The following TAB3 variants were observed in gnomAD, a reference collection of about 807,000 sequenced individuals.
TAB3 encodes TGF-beta-activated kinase 1 and MAP3K7-binding protein 3.
TAB3 carries 18 observed loss-of-function variants against 48.1 expected under a neutral mutation model. The observed-to-expected ratio is 0.37, with a 90% CI of 0.26 to 0.55. TAB3 has a LOEUF of 0.55. Ranked by LOEUF, TAB3 falls within the 20% of genes least tolerant of loss-of-function variation. The probability of loss-of-function intolerance (pLI) is 0.78; values close to 1 mark genes in which losing one functional copy is unlikely to be tolerated. For missense variants in TAB3, 414 were observed against 549.8 expected (o/e 0.75, Z 2.47); for synonymous variants, 185 against 190.2 (o/e 0.97, Z 0.22).
At chrX:30,832,788 T>C (rs1938063123) in intron 10 of TAB3, among the ~76,000 whole-genome samples, 1 of 111,272 alleles carries the variant, frequency 9.0e-6, no homozygotes, top group Non-Finnish European at 1.9e-5. Flanking sequence ...TGACTATAAA[T>C]AGGAGATGGG....
intron 8 of TAB3, 115 bp from the exon 9 acceptor site, chrX:30,843,164 G>C (rs2067071276): frequency 2.2e-6 from 1 of 446,557 alleles, no homozygotes; most frequent in Non-Finnish European, 3.7e-6. Flanking sequence ...TGTTTTCCAG[G>C]ATTTCAAAAT....
chrX:30,838,843 T>C (rs1379280385), intron 9 of TAB3, among the ~76,000 whole-genome samples: 1 of 112,432 alleles, frequency 8.9e-6, no homozygotes, highest in Non-Finnish European at 1.9e-5. Context: ...AACATGTTTA[T>C]ATATTGACTT....
At chrX:30,887,642 G>A (rs2147424766) in intron 1 of TAB3, among the ~76,000 whole-genome samples, 1 of 112,274 alleles carries the variant, frequency 8.9e-6, no homozygotes, top group African/African-American at 3.2e-5. Context: ...CTGTGCAATC[G>A]GCATAACATT....
At chrX:30,848,951 G>T (rs1035582884) in intron 7 of TAB3, among the ~76,000 whole-genome samples, 1 of 109,219 alleles carries the variant, frequency 9.2e-6, no homozygotes, top group African/African-American at 3.3e-5. Flanking sequence ...CTTGAGGGAG[G>T]GGGTAATTGG....
intron 9 of TAB3, 132 bp downstream of exon 9, chrX:30,842,825 CAAAAAAATA>C (rs1276337815): frequency 2.4e-6 from 1 of 408,233 alleles, no homozygotes. Context: ...GACCCTGTCT[CAAAAAAATA>C]AAAATAATAA....
At chrX:30,840,877 TAGAC>T (rs754050471) in intron 9 of TAB3, among the ~76,000 whole-genome samples, 4 of 112,011 alleles carry the variant, frequency 3.6e-5, no homozygotes, top group African/African-American at 9.7e-5. Flanking sequence ...TGCACTCCCT[TAGAC>T]AGGGCAATTG....
chrX:30,865,120 A>G lies in TAB3; in HGVS notation c.-91+1995T>C, dbSNP rs750177452. On this transcript the variant is annotated intron_variant, in intron 4 of 10. Coordinates refer to ENST00000288422, the MANE Select transcript of TAB3 (RefSeq NM_152787.5). ...GTACTCTAGTGTGTCTCAACGGCAT[A>G]CTATTGATGCAATAATTTTGGAGCA... 1.0e-3 allele frequency among the ~76,000 whole-genome samples: 115 copies of G among 111,964 alleles called. 2 individuals carry two copies. Among genetic ancestry groups the G allele is most frequent in the Non-Finnish European group, 1.5e-3 (79 of 53,217 alleles).
rs1017725040 is a variant in TAB3, at chrX:30,867,453, A to G, written c.-195+12T>C. 1.8e-5 allele frequency: 2 copies of G among 110,605 alleles called. No individual in the cohort carries two copies. The highest frequency in any genetic ancestry group is 3.8e-5 in the Non-Finnish European group (2 of 52,710). 9.1% of individuals were successfully genotyped at this position (110,605 alleles called of 1,213,427 possible). A position where few individuals can be genotyped will look rare whatever the true frequency, so the allele number is the denominator to read the frequency against. ...AAAAAATAGAGTTATTTAAAATTAG[A>G]AAAAAAAATACCTCAAGATGGTTTA... On this transcript the variant is annotated intron_variant, in intron 3 of 10. Coordinates refer to ENST00000288422, the MANE Select transcript of TAB3 (RefSeq NM_152787.5).
At chrX:30,881,478 G>T (rs1170864335) in intron 1 of TAB3, among the ~76,000 whole-genome samples, 1 of 110,987 alleles carries the variant, frequency 9.0e-6, no homozygotes, top group Non-Finnish European at 1.9e-5. Flanking sequence ...ATTTTAAAAA[G>T]CAATATACTA....
intron 4 of TAB3, among the ~76,000 whole-genome samples, chrX:30,865,960 C>T (rs1939390411): frequency 9.0e-6 from 1 of 111,726 alleles, no homozygotes; most frequent in Non-Finnish European, 1.9e-5. Flanking sequence ...TACCAAATAA[C>T]AAGGGGGAGA....
intron 2 of TAB3, among the ~76,000 whole-genome samples, chrX:30,870,984 A>G (rs1939647517): frequency 8.9e-6 from 1 of 112,765 alleles, no homozygotes; most frequent in Admixed American, 9.3e-5. Context: ...AACGGGTGTC[A>G]CAACATCTTG....
At chrX:30,842,091 A>G (rs1938468232) in intron 9 of TAB3, among the ~76,000 whole-genome samples, 1 of 112,932 alleles carries the variant, frequency 8.9e-6, no homozygotes, top group African/African-American at 3.2e-5. Context: ...AAATTCAATT[A>G]AAATTAATTT....
chrX:30,866,731 G>A (rs1000150902), intron 4 of TAB3, among the ~76,000 whole-genome samples: 1 of 109,510 alleles, frequency 9.1e-6, no homozygotes, highest in African/African-American at 3.3e-5. Flanking sequence ...GGGGTGGGGG[G>A]AGCCTCCCAT....
At chrX:30,865,562 A>T (rs1052628108) in intron 4 of TAB3, among the ~76,000 whole-genome samples, 1 of 112,005 alleles carries the variant, frequency 8.9e-6, no homozygotes, top group African/African-American at 3.2e-5. Context: ...ACCTCATTTA[A>T]TCCCTAAAAT....
Position 30,828,009 on chromosome X carries a change from G to T in TAB3, c.*3418C>A, listed in dbSNP as rs1160525409. On this transcript the variant is annotated 3_prime_UTR_variant, in exon 11 of 11. Transcript: ENST00000288422. Reference sequence around the variant, plus strand: ...TGTCATTTTTCTTTCTCTACAGATAGATATACAGACACACACGGTAACATG... The same window carrying T: ...TGTCATTTTTCTTTCTCTACAGATATATATACAGACACACACGGTAACATG... The T allele has an allele frequency of 2.7e-5, 3 of 111,966 alleles. No individual in the cohort carries two copies. The highest frequency in any genetic ancestry group is 5.6e-5 in the Non-Finnish European group (3 of 53,130). The allele number at this position is 111,966 out of a possible 1,213,427, so 9.2% of individuals were successfully genotyped here.
At chrX:30,877,729 G>A (rs780093927) in intron 1 of TAB3, among the ~76,000 whole-genome samples, 1 of 111,520 alleles carries the variant, frequency 9.0e-6, no homozygotes, top group South Asian at 3.7e-4. Context: ...GAAATACAGA[G>A]CTAGTAGAAT....
At chrX:30,862,098 C>T (rs1461282527) in intron 4 of TAB3, among the ~76,000 whole-genome samples, 3 of 111,816 alleles carry the variant, frequency 2.7e-5, no homozygotes, top group African/African-American at 6.5e-5. Context: ...GGTATACAAT[C>T]GAGTAGGCAC....
intron 9 of TAB3, 42 bp downstream of exon 9, chrX:30,842,924 G>C (rs374829888): frequency 2.7e-5 from 23 of 849,731 alleles, no homozygotes; most frequent in Non-Finnish European, 3.5e-5. Context: ...AAATTATTTT[G>C]ACATTTATTT....
intron 6 of TAB3, among the ~76,000 whole-genome samples, chrX:30,853,539 T>C (rs1938939032): frequency 8.9e-6 from 1 of 112,828 alleles, no homozygotes; most frequent in Non-Finnish European, 1.9e-5. Flanking sequence ...TACTCTGTAG[T>C]TTGTACTTTT....
Sources: allele counts gnomAD v4.1 joint callset (sites outside exome capture counted in the v4.1 genomes callset), GRCh38; gene constraint gnomAD v4.1.1; transcripts MANE v1.5; gene names NCBI Gene and HGNC (gene_info 2026-07-23, HGNC 2026-07-21).